The following NTPCR variants were observed in gnomAD, a reference collection of about 807,000 sequenced individuals.
NTPCR encodes cancer-related nucleoside-triphosphatase.
Under a neutral mutation model 19.5 loss-of-function variants are expected in NTPCR, and 15 were observed. The ratio of observed to expected loss-of-function variants is 0.77; its 90% confidence interval spans 0.51 to 1.18. The LOEUF (loss-of-function observed/expected upper bound fraction) is 1.18, where lower values mean the gene tolerates loss of function less well. NTPCR is among the 50% of genes most tolerant of loss of function. The pLI is 0.00. For synonymous variants in NTPCR, 90 were observed against 95.8 expected (o/e 0.94, Z 0.36); for missense variants, 206 against 240.4 (o/e 0.86, Z 0.95).
chr1:232,962,988 A>T (rs2102746105), intron 3 of NTPCR: 2 of 152,334 alleles, frequency 1.3e-5, no homozygotes, highest in South Asian at 4.1e-4. Context: ...AGAAAAACCA[A>T]GTTCTAGTCA....
intron 1 of NTPCR, among the ~76,000 whole-genome samples, chr1:232,952,917 G>T (rs1011308983): frequency 1.3e-5 from 2 of 152,136 alleles, no homozygotes; most frequent in African/African-American, 4.8e-5. Context: ...GGTCCCTGGA[G>T]CCCACTTGGC....
intron 3 of NTPCR, chr1:232,965,384 C>T (rs1188713562): frequency 6.6e-6 from 1 of 152,256 alleles, no homozygotes; most frequent in East Asian, 1.9e-4. Flanking sequence ...GAGTAAATCC[C>T]TTAATGCCTA....
At chr1:232,976,639 A>G in intron 4 of NTPCR, 1 of 1,402,204 alleles carries the variant, frequency 7.1e-7, no homozygotes, top group South Asian at 1.6e-5. Context: ...TCCTCATTTC[A>G]AGTGGAGCCA....
At chr1:232,970,238 T>G in intron 4 of NTPCR, 120 bp downstream of exon 4, 1 of 761,078 alleles carries the variant, frequency 1.3e-6, no homozygotes, top group Non-Finnish European at 2.1e-6. Context: ...TGCTGAAATG[T>G]AGGTGAGTCT....
rs919710566 is a variant in NTPCR at position 232,979,643 on chromosome 1, G to C, written c.*1412G>C. 2 of 152,286 alleles carry C rather than the reference G, an allele frequency of 1.3e-5. No individual in the cohort carries two copies. The highest frequency in any genetic ancestry group is 4.8e-5 in the African/African-American group (2 of 41,446). The allele number at this position is 152,286 out of a possible 1,614,324, so 9.4% of individuals were successfully genotyped here. ...GTGGGCATCTCCTTCCACAGTCCCT[G>C]CCTGGCGGGGCTGTTCAGGGAGACT... On this transcript the variant is annotated 3_prime_UTR_variant, in exon 5 of 5. Transcript: ENST00000366628. The surrounding 1 kb of genome is among the most constrained non-coding windows in gnomAD (Gnocchi z 5.3).
chr1:232,970,244 A>T (rs1012294651), intron 4 of NTPCR, 126 bp downstream of exon 4: 1 of 741,554 alleles, frequency 1.3e-6, no homozygotes, highest in Non-Finnish European at 2.2e-6. Context: ...AATGTAGGTG[A>T]GTCTAATTTT....
intron 4 of NTPCR, among the ~76,000 whole-genome samples, chr1:232,975,365 C>T (rs984398726): frequency 3.3e-5 from 5 of 152,174 alleles, no homozygotes; most frequent in South Asian, 2.1e-4. Flanking sequence ...CTAGGTACGG[C>T]GAGAGACAGT....
intron 2 of NTPCR, among the ~76,000 whole-genome samples, chr1:232,955,931 T>C (rs1668500326): frequency 6.6e-6 from 1 of 152,170 alleles, no homozygotes; most frequent in Admixed American, 6.5e-5. Flanking sequence ...CTTAGGCCTT[T>C]AGGGATTTCT....
At chr1:232,966,523 A>G (rs951384754) in intron 3 of NTPCR, 3 of 152,238 alleles carry the variant, frequency 2.0e-5, no homozygotes, top group Admixed American at 6.5e-5. Context: ...TTTTAAAAGT[A>G]CATATAAAAA....
intron 1 of NTPCR, among the ~76,000 whole-genome samples, chr1:232,952,894 G>C (rs761020217): frequency 2.6e-4 from 39 of 152,206 alleles, no homozygotes; most frequent in Middle Eastern, 3.4e-3. Flanking sequence ...ACTCATCTTG[G>C]AGGGCTTTCT....
intron 4 of NTPCR, among the ~76,000 whole-genome samples, chr1:232,971,979 C>T (rs1042166256): frequency 3.3e-5 from 5 of 152,220 alleles, no homozygotes; most frequent in East Asian, 3.9e-4. Flanking sequence ...GCTGGAAGAC[C>T]GGGAAATTGC....
intron 4 of NTPCR, among the ~76,000 whole-genome samples, chr1:232,972,236 C>CT (rs1333946907): frequency 5.8e-4 from 88 of 152,198 alleles, no homozygotes; most frequent in African/African-American, 2.0e-3. Flanking sequence ...CTGACATACC[C>CT]TGTTTTTTTT....
At chr1:232,951,666 C>G (rs963024953) in intron 1 of NTPCR, among the ~76,000 whole-genome samples, 4 of 152,030 alleles carry the variant, frequency 2.6e-5, no homozygotes, top group Non-Finnish European at 5.9e-5. Flanking sequence ...ATCTAGAATT[C>G]TCTTTCACTT....
At position 232,978,237 on chromosome 1, in the gene NTPCR, C is replaced by T. The variant is rs746575346; in HGVS notation, c.*6C>T. ...TGCAGAGCAGCAGGAAGTGAAGACA[C>T]GTGCATTCCTGCCTTCCGTGAAGGA... On this transcript the variant is annotated 3_prime_UTR_variant, in exon 5 of 5. Transcript: ENST00000366628. 1.2e-5 allele frequency: 20 copies of T among 1,613,356 alleles called. No individual in the cohort carries two copies. Among genetic ancestry groups the T allele is most frequent in the African/African-American group, 8.0e-5 (6 of 74,918 alleles).
At chr1:232,976,543 G>A in intron 4 of NTPCR, 1 of 1,508,820 alleles carries the variant, frequency 6.6e-7, no homozygotes, top group Non-Finnish European at 8.8e-7. Flanking sequence ...AACAGGAATG[G>A]ACTTTGGCTA....
chr1:232,967,313 C>T (rs1668848560), intron 3 of NTPCR: 1 of 152,266 alleles, frequency 6.6e-6, no homozygotes, highest in Non-Finnish European at 1.5e-5. Context: ...AGTGGCTCAG[C>T]AGCTGACATC....
intron 3 of NTPCR, chr1:232,962,848 A>T (rs997375738): frequency 6.6e-6 from 1 of 152,210 alleles, no homozygotes; most frequent in Non-Finnish European, 1.5e-5. Flanking sequence ...GCTTTGGAAA[A>T]TCTTAGAAAC....
chr1:232,952,134 A>C (rs1668382404), intron 1 of NTPCR, among the ~76,000 whole-genome samples: 1 of 152,200 alleles, frequency 6.6e-6, no homozygotes, highest in Non-Finnish European at 1.5e-5. Context: ...AATTTTCATT[A>C]GTCAATGTTT....
In NTPCR at chr1:232,978,651, A is replaced by G. The variant is rs911942465; in HGVS notation, c.*420A>G. The G allele has an allele frequency of 6.5e-6, 1 of 154,982 alleles. No individual in the cohort carries two copies. The highest frequency in any genetic ancestry group is 6.5e-5 in the Admixed American group (1 of 15,426). 9.6% of individuals were successfully genotyped at this position (154,982 alleles called of 1,614,324 possible). A position where few individuals can be genotyped will look rare whatever the true frequency, so the allele number is the denominator to read the frequency against. Reference sequence around the variant, plus strand: ...GAAAATTAAATTCCTCTCCAGGTGCAGCTTCAGCCTCATGCAACTTAAAGT... The same window carrying G: ...GAAAATTAAATTCCTCTCCAGGTGCGGCTTCAGCCTCATGCAACTTAAAGT... On this transcript the variant is annotated 3_prime_UTR_variant, in exon 5 of 5. Coordinates refer to ENST00000366628, the MANE Select transcript of NTPCR (RefSeq NM_032324.3).
Sources: gnomAD v4.1 joint callset for allele counts (sites outside exome capture counted in the v4.1 genomes callset) on GRCh38, gnomAD v4.1.1 for gene constraint, Gnocchi (gnomAD v3.1) non-coding constraint, MANE v1.5 for transcripts, NCBI Gene and HGNC (gene_info 2026-07-23, HGNC 2026-07-21) for gene names.